CTNNA2: variants seen among roughly 807,000 people sequenced by gnomAD.
CTNNA2 encodes the protein catenin alpha 2, also known as catenin alpha-2.
In CTNNA2, 42 loss-of-function variants were observed where a neutral mutation model predicts 101.0. The ratio of observed to expected loss-of-function variants is 0.42; its 90% CI spans 0.32 to 0.54. The LOEUF (loss-of-function observed/expected upper bound fraction) is 0.54. CTNNA2 is among the 20% of genes least tolerant of loss of function. The pLI, the probability that CTNNA2 is intolerant of heterozygous loss-of-function variation, is 0.14. For missense variants in CTNNA2, 871 were observed against 1,223.1 expected, an observed-to-expected ratio of 0.71 and a Z score of 4.29; for synonymous variants, 450 against 456.4, an observed-to-expected ratio of 0.99 and a Z score of 0.18.
intron 7 of CTNNA2, chr2:80,028,008 GAAATA>G (rs987332684): frequency 1.0e-5 from 1 of 100,206 alleles, no homozygotes; most frequent in African/African-American, 3.8e-5. Flanking sequence ...AAAAGTAAAA[GAAATA>G]AAAGAAATAC....
chr2:80,594,770 G>C (rs567161773), intron 15 of CTNNA2, among the ~76,000 whole-genome samples: 8 of 151,824 alleles, frequency 5.3e-5, no homozygotes, highest in Non-Finnish European at 8.8e-5. Flanking sequence ...CCTTTTCCAA[G>C]ACCCAAATCT....
chr2:80,309,967 CCA>C (rs1677391574), intron 7 of CTNNA2, among the ~76,000 whole-genome samples: 1 of 151,898 alleles, frequency 6.6e-6, no homozygotes. Context: ...AGGCCTGAGA[CCA>C]CAAACCTTGG....
chr2:79,385,309 T>C (rs11126722), intron 4 of CTNNA2, among the ~76,000 whole-genome samples: 66,380 of 151,948 alleles, frequency 0.44, 16,193 homozygotes, highest in African/African-American at 0.66. Flanking sequence ...GTTGCCGTCT[T>C]ATTTTGGTGT....
chr2:80,280,826 G>T (rs759348755), intron 7 of CTNNA2, among the ~76,000 whole-genome samples: 12 of 151,892 alleles, frequency 7.9e-5, no homozygotes, highest in Non-Finnish European at 1.6e-4. Context: ...TATGCTCCCT[G>T]CCTGTTATTG....
At chr2:79,812,769 A>C (rs1042580664) in intron 3 of CTNNA2, among the ~76,000 whole-genome samples, 1 of 152,120 alleles carries the variant, frequency 6.6e-6, no homozygotes, top group Non-Finnish European at 1.5e-5. Context: ...CCTAGTCCCC[A>C]ACCTGAGAGA....
intron 7 of CTNNA2, among the ~76,000 whole-genome samples, chr2:80,317,018 T>C (rs1309210045): frequency 6.6e-6 from 1 of 152,024 alleles, no homozygotes; most frequent in African/African-American, 2.4e-5. Context: ...AGTTGACACC[T>C]GAATGATGAG....
chr2:79,235,350 G>A (rs964246806), intron 2 of CTNNA2, among the ~76,000 whole-genome samples: 1 of 151,412 alleles, frequency 6.6e-6, no homozygotes. Flanking sequence ...CATAACGTTA[G>A]CTGGCAGATA....
intron 3 of CTNNA2, among the ~76,000 whole-genome samples, chr2:79,792,547 T>C (rs1675365322): frequency 6.6e-6 from 1 of 152,320 alleles, no homozygotes; most frequent in Non-Finnish European, 1.5e-5. Flanking sequence ...AAGTTCTTTC[T>C]TACTTTACCT....
intron 2 of CTNNA2, among the ~76,000 whole-genome samples, chr2:79,698,562 G>A (rs1043310201): frequency 1.3e-5 from 2 of 152,068 alleles, no homozygotes; most frequent in Admixed American, 6.6e-5. Flanking sequence ...TATTACAATG[G>A]TTAAACTAAG....
intron 7 of CTNNA2, among the ~76,000 whole-genome samples, chr2:80,081,991 G>T (rs563693564): frequency 6.6e-6 from 1 of 152,228 alleles, no homozygotes; most frequent in African/African-American, 2.4e-5. Context: ...CTTAAGTCTG[G>T]TTTTCTTTGA....
intron 7 of CTNNA2, among the ~76,000 whole-genome samples, chr2:80,286,703 C>T (rs1468630916): frequency 6.6e-6 from 1 of 152,182 alleles, no homozygotes; most frequent in Non-Finnish European, 1.5e-5. Context: ...CCTTCTTCAT[C>T]AAGCCCTACG....
At chr2:80,593,909 T>C (rs1028569596) in intron 15 of CTNNA2, among the ~76,000 whole-genome samples, 14 of 152,206 alleles carry the variant, frequency 9.2e-5, no homozygotes, top group African/African-American at 3.1e-4. Context: ...CTTCCACCTT[T>C]TGGCTATTAT....
At chr2:79,613,710 A>G (rs1678439993) in intron 1 of CTNNA2, among the ~76,000 whole-genome samples, 1 of 152,170 alleles carries the variant, frequency 6.6e-6, no homozygotes, top group Non-Finnish European at 1.5e-5. Context: ...TTTTAGAGAC[A>G]GGGTCTTGTT....
chr2:79,876,480 C>T (rs1030969663), intron 6 of CTNNA2, among the ~76,000 whole-genome samples: 3 of 152,102 alleles, frequency 2.0e-5, no homozygotes, highest in African/African-American at 7.2e-5. Flanking sequence ...GACACAATTA[C>T]ATTATTCTAG....
chr2:80,425,555 C>A (rs947361438), intron 9 of CTNNA2, among the ~76,000 whole-genome samples: 2 of 151,158 alleles, frequency 1.3e-5, no homozygotes, highest in African/African-American at 4.9e-5. Flanking sequence ...GTTTGAAAAC[C>A]TCTGATGAAT....
chr2:80,617,295 A>G lies in CTNNA2; in HGVS notation c.2431-1790A>G, dbSNP rs140188590. Among the ~76,000 whole-genome samples, 314 of 102,006 alleles carry G rather than the reference A, an allele frequency of 3.1e-3. 2 individuals carry two copies. Among genetic ancestry groups the G allele is most frequent in the Non-Finnish European group, 5.4e-3 (264 of 48,480 alleles). The allele number at this position is 102,006 out of a possible 152,430, so 66.9% of individuals were successfully genotyped here. A position where few individuals can be genotyped will look rare whatever the true frequency, so the allele number is the denominator to read the frequency against. On this transcript the variant is annotated intron_variant, in intron 17 of 18. Coordinates refer to ENST00000402739, the MANE Select transcript of CTNNA2 (RefSeq NM_001282597.3). ...TCCCTAACTTATAAAACCAAATGAG[A>G]TTGTTATAAAAAATCAAAGATAAGC...
At chr2:79,875,040 T>C (rs1217752625) in intron 6 of CTNNA2, among the ~76,000 whole-genome samples, 1 of 152,164 alleles carries the variant, frequency 6.6e-6, no homozygotes, top group Admixed American at 6.5e-5. Flanking sequence ...TGCCCTATGA[T>C]CCCACACAGG....
chr2:80,160,736 T>A (rs996727290), intron 7 of CTNNA2, among the ~76,000 whole-genome samples: 3 of 152,324 alleles, frequency 2.0e-5, no homozygotes, highest in African/African-American at 4.8e-5. Flanking sequence ...CATTGTTTTT[T>A]TCTTTTTCAA....
intron 3 of CTNNA2, among the ~76,000 whole-genome samples, chr2:79,746,976 G>C (rs986193065): frequency 6.6e-6 from 1 of 152,014 alleles, no homozygotes; most frequent in Non-Finnish European, 1.5e-5. Flanking sequence ...TGAATGAATG[G>C]TCTCTTCCAA....
Sources: gnomAD v4.1 joint callset for allele counts (sites outside exome capture counted in the v4.1 genomes callset) on GRCh38, gnomAD v4.1.1 for gene constraint, MANE v1.5 for transcripts, NCBI Gene and HGNC (gene_info 2026-07-23, HGNC 2026-07-21) for gene names.